Variants in CSMD2 observed in about 807,000 individuals in gnomAD.
CSMD2 encodes CUB and Sushi multiple domains 2.
In CSMD2, 130 loss-of-function variants were observed where a neutral mutation model predicts 398.5. That is an observed-to-expected ratio of 0.33 (90% CI 0.28 to 0.38). The LOEUF is 0.38. Ranked by LOEUF, CSMD2 falls within the 10% of genes least tolerant of loss-of-function variation. CSMD2 has a pLI of 1.00. For synonymous variants in CSMD2, 1,828 were observed against 1,908.5 expected, an observed-to-expected ratio of 0.96 and a Z score of 1.10; for missense variants, 3,829 against 4,764.9, an observed-to-expected ratio of 0.80 and a Z score of 5.78.
intron 47 of CSMD2, among the ~76,000 whole-genome samples, chr1:33,581,463 C>T (rs189601126): frequency 1.7e-3 from 231 of 137,818 alleles, no homozygotes; most frequent in Non-Finnish European, 2.9e-3. Context: ...CGCTTGAACC[C>T]AGGAGGTGGT....
intron 64 of CSMD2, among the ~76,000 whole-genome samples, chr1:33,530,542 C>G (rs888047640): frequency 6.6e-6 from 1 of 152,002 alleles, no homozygotes; most frequent in Non-Finnish European, 1.5e-5. Context: ...GAAGGTTCCT[C>G]AAAAAATTAA....
intron 65 of CSMD2, among the ~76,000 whole-genome samples, chr1:33,525,904 G>C (rs1018485389): frequency 6.6e-6 from 1 of 152,070 alleles, no homozygotes; most frequent in Non-Finnish European, 1.5e-5. Context: ...GGCTGGTCTC[G>C]AACTCCTGAC....
intron 44 of CSMD2, chr1:33,600,252 C>T: frequency 1.4e-6 from 1 of 694,646 alleles, no homozygotes; most frequent in Admixed American, 2.2e-5. Context: ...CTGTAAATTG[C>T]AAATATGTGC....
At chr1:33,663,492 TA>T (rs112583544) in intron 25 of CSMD2, among the ~76,000 whole-genome samples, 2,536 of 141,638 alleles carry the variant, frequency 0.018, 54 homozygotes, top group South Asian at 0.053. Flanking sequence ...AGGATATAGG[TA>T]AAAAAAAAAA....
chr1:33,554,834 G>A (rs563437174), intron 55 of CSMD2, among the ~76,000 whole-genome samples: 1 of 152,244 alleles, frequency 6.6e-6, no homozygotes, highest in East Asian at 1.9e-4. Flanking sequence ...CAATGCACCT[G>A]GTCAGCCAAG....
intron 3 of CSMD2, among the ~76,000 whole-genome samples, chr1:34,015,916 T>A (rs1648025539): frequency 6.6e-6 from 1 of 152,028 alleles, no homozygotes; most frequent in Non-Finnish European, 1.5e-5. Flanking sequence ...ACCTGGGACA[T>A]GGGGCTCAAG....
chr1:34,017,038 C>T (rs1328557731), intron 3 of CSMD2, among the ~76,000 whole-genome samples: 2 of 152,148 alleles, frequency 1.3e-5, no homozygotes, highest in African/African-American at 4.8e-5. Context: ...AATGGTACAT[C>T]TTACAGTCAA....
chr1:33,563,282 A>G (rs1658740551), intron 53 of CSMD2, among the ~76,000 whole-genome samples: 1 of 152,234 alleles, frequency 6.6e-6, no homozygotes, highest in East Asian at 1.9e-4. Context: ...CCATGGTAAC[A>G]TAGGAGAGGA....
chr1:33,703,829 G>A (rs1020812564), intron 22 of CSMD2, among the ~76,000 whole-genome samples: 6 of 152,158 alleles, frequency 3.9e-5, no homozygotes, highest in African/African-American at 1.4e-4. Flanking sequence ...TTATATCCTT[G>A]CTGATACTTG....
intron 36 of CSMD2, 88 bp from the exon 37 acceptor site, chr1:33,622,359 G>A: frequency 1.1e-6 from 1 of 939,108 alleles, no homozygotes; most frequent in East Asian, 2.4e-5. Flanking sequence ...TTTGCTACCT[G>A]CTGACATTCT....
intron 2 of CSMD2, among the ~76,000 whole-genome samples, chr1:34,035,738 C>CAA (rs149807105): frequency 5.9e-4 from 71 of 119,888 alleles, no homozygotes; most frequent in Middle Eastern, 4.4e-3. Context: ...AGAACATCTA[C>CAA]AAAAAAAAAA....
chr1:33,992,279 C>A (rs934065050), intron 3 of CSMD2, among the ~76,000 whole-genome samples: 4 of 152,146 alleles, frequency 2.6e-5, no homozygotes, highest in African/African-American at 9.7e-5. Flanking sequence ...GACAGTACGG[C>A]TCACTGAAGC....
chr1:33,824,499 C>A (rs1658553403), intron 7 of CSMD2, among the ~76,000 whole-genome samples: 1 of 152,230 alleles, frequency 6.6e-6, no homozygotes. Context: ...AATCCCCAAC[C>A]CAGGCTCGGT....
intron 28 of CSMD2, among the ~76,000 whole-genome samples, chr1:33,650,198 G>T (rs188797585): frequency 3.3e-5 from 5 of 152,212 alleles, no homozygotes; most frequent in Non-Finnish European, 7.3e-5. Flanking sequence ...TGTGCAAGGT[G>T]CCAAGGACAT....
At chr1:34,041,227 T>C (rs1441473998) in intron 2 of CSMD2, among the ~76,000 whole-genome samples, 2 of 152,280 alleles carry the variant, frequency 1.3e-5, no homozygotes, top group East Asian at 3.9e-4. Context: ...GCAGAAGGAC[T>C]TGAACTCCCC....
At chr1:34,120,996 G>GT (rs1475618550) in intron 1 of CSMD2, among the ~76,000 whole-genome samples, 1 of 152,034 alleles carries the variant, frequency 6.6e-6, no homozygotes, top group East Asian at 1.9e-4. Flanking sequence ...ATTTACTAAC[G>GT]TATTTGTTTA....
chr1:33,680,309 G>C (rs12097264), intron 25 of CSMD2, among the ~76,000 whole-genome samples: 1 of 151,922 alleles, frequency 6.6e-6, no homozygotes, highest in Admixed American at 6.6e-5. Context: ...TCCAACCCAA[G>C]AATCTTTGCC....
chr1:33,958,513 T>C (rs1190208529), intron 3 of CSMD2, among the ~76,000 whole-genome samples: 1 of 151,998 alleles, frequency 6.6e-6, no homozygotes, highest in East Asian at 1.9e-4. Flanking sequence ...ATAACTGAGG[T>C]CCCTGATGAG....
At chr1:34,045,047 A>G (rs1161864266) in intron 2 of CSMD2, among the ~76,000 whole-genome samples, 2 of 55,990 alleles carry the variant, frequency 3.6e-5, no homozygotes, top group Non-Finnish European at 1.5e-4. Context: ...ATACACACAC[A>G]CACACACACA....
Sources: allele counts gnomAD v4.1 joint callset (sites outside exome capture counted in the v4.1 genomes callset), GRCh38; gene constraint gnomAD v4.1.1; transcripts MANE v1.5; gene names NCBI Gene and HGNC (gene_info 2026-07-23, HGNC 2026-07-21).